STARD13: variants seen among roughly 807,000 people sequenced by gnomAD.
STARD13 encodes the protein stAR-related lipid transfer protein 13.
In STARD13, 62 loss-of-function variants were observed where a neutral mutation model predicts 106.4. That is an observed-to-expected ratio of 0.58 (90% CI 0.48 to 0.72). The LOEUF is 0.72. STARD13 is among the 30% of genes least tolerant of loss of function. The pLI, the probability that STARD13 is intolerant of heterozygous loss-of-function variation, is 0.00. For missense variants in STARD13, 1,387 were observed against 1,424.0 expected, an observed-to-expected ratio of 0.97 and a Z score of 0.42; for synonymous variants, 565 against 553.0, an observed-to-expected ratio of 1.02 and a Z score of -0.31.
At chr13:33,177,879 G>GAAGGAAGGAAGGAAGGA (rs1884778631) in intron 1 of STARD13, among the ~76,000 whole-genome samples, 1 of 4,606 alleles carries the variant, frequency 2.2e-4, no homozygotes, top group Non-Finnish European at 3.5e-4. Flanking sequence ...GGAAGGAAAG[G>GAAGGAAGGAAGGAAGGA]AAGGAAGGAA....
chr13:33,174,312 T>C (rs918684704), intron 1 of STARD13, among the ~76,000 whole-genome samples: 1 of 151,396 alleles, frequency 6.6e-6, no homozygotes, highest in African/African-American at 2.4e-5. Context: ...CACTTATGCA[T>C]TTTTTTTTCT....
intron 1 of STARD13, among the ~76,000 whole-genome samples, chr13:33,302,510 G>T (rs1368957745): frequency 6.6e-6 from 1 of 152,030 alleles, no homozygotes; most frequent in Non-Finnish European, 1.5e-5. Context: ...TGACCTCCCT[G>T]GGCCCAGGTG....
chr13:33,528,169 T>TA, the STARD13 span, among the ~76,000 whole-genome samples: 1 of 129,060 alleles, frequency 7.7e-6, no homozygotes, highest in African/African-American at 3.2e-5. Context: ...TAAGCTAATA[T>TA]TATATATATA....
At chr13:33,432,055 A>T in the STARD13 span, among the ~76,000 whole-genome samples, 1 of 152,180 alleles carries the variant, frequency 6.6e-6, no homozygotes, top group East Asian at 1.9e-4. Context: ...CAAGTCTCTG[A>T]GGTATAGAAG....
the STARD13 span, among the ~76,000 whole-genome samples, chr13:33,676,426 CAT>C: frequency 6.6e-6 from 1 of 152,194 alleles, no homozygotes. Flanking sequence ...CACTTCCACA[CAT>C]GTGTAAAAGT....
rs1383765142 is a variant in STARD13 at position 33,349,032 on chromosome 13, G to T, written c.*117C>A. 7 of 679,492 alleles carry T rather than the reference G, an allele frequency of 1.0e-5. No individual in the cohort carries two copies. The East Asian group carries it at 1.9e-4, about 18-fold the overall frequency. 42.1% of individuals were successfully genotyped at this position (679,492 alleles called of 1,614,324 possible). ...TGAGGATGTGGGTGCATGGGTTTAA[G>T]GGCAGAACACCTAGCAAACCACTTG... is the stretch of plus-strand genomic sequence containing the variant. On this transcript the variant is annotated 3_prime_UTR_variant, in exon 2 of 2. Coordinates refer to the STARD13 transcript ENST00000439831.
the STARD13 span, among the ~76,000 whole-genome samples, chr13:33,572,252 C>T: frequency 6.6e-6 from 1 of 152,140 alleles, no homozygotes; most frequent in Non-Finnish European, 1.5e-5. Flanking sequence ...TTTCTCTGTA[C>T]ATTGTGAATT....
At chr13:33,389,620 A>T in the STARD13 span, among the ~76,000 whole-genome samples, 1 of 152,212 alleles carries the variant, frequency 6.6e-6, no homozygotes, top group Non-Finnish European at 1.5e-5. Context: ...ATTAATTCAC[A>T]TGAGAAATTA....
the STARD13 span, among the ~76,000 whole-genome samples, chr13:33,532,474 T>C: frequency 2.0e-5 from 3 of 152,196 alleles, no homozygotes; most frequent in Admixed American, 6.6e-5. Context: ...TCTAATCTTT[T>C]TTATTTCAGG....
At chr13:33,487,304 G>A in the STARD13 span, among the ~76,000 whole-genome samples, 1 of 152,132 alleles carries the variant, frequency 6.6e-6, no homozygotes, top group Non-Finnish European at 1.5e-5. Context: ...CATTATATGT[G>A]TAAAGGATAT....
At chr13:33,205,514 AGAAG>A (rs371636258) in intron 1 of STARD13, among the ~76,000 whole-genome samples, 4 of 152,082 alleles carry the variant, frequency 2.6e-5, no homozygotes, top group African/African-American at 4.8e-5. Context: ...AAATAGAGAG[AGAAG>A]GAAGGAAGGA....
At chr13:33,397,527 A>G in the STARD13 span, among the ~76,000 whole-genome samples, 2 of 152,188 alleles carry the variant, frequency 1.3e-5, no homozygotes, top group South Asian at 2.1e-4. Flanking sequence ...TCTTGAAGCT[A>G]TGGCAGGCTA....
chr13:33,510,135 A>G, the STARD13 span, among the ~76,000 whole-genome samples: 85 of 152,304 alleles, frequency 5.6e-4, no homozygotes, highest in Admixed American at 3.3e-4. Flanking sequence ...ACCAATGTGA[A>G]GTGGCAGTGC....
At chr13:33,607,915 A>G in the STARD13 span, among the ~76,000 whole-genome samples, 2 of 152,134 alleles carry the variant, frequency 1.3e-5, no homozygotes, top group Non-Finnish European at 2.9e-5. Flanking sequence ...ATCTCTAAAG[A>G]AACCGTTTTT....
At chr13:33,171,995 G>A (rs140456309) in intron 1 of STARD13, among the ~76,000 whole-genome samples, 8 of 152,294 alleles carry the variant, frequency 5.3e-5, no homozygotes, top group Admixed American at 3.9e-4. Flanking sequence ...AACCATGGCC[G>A]ATGTGGGTTT....
At chr13:33,297,710 C>A (rs1211501050) in intron 1 of STARD13, among the ~76,000 whole-genome samples, 1 of 151,916 alleles carries the variant, frequency 6.6e-6, no homozygotes, top group Non-Finnish European at 1.5e-5. Flanking sequence ...ATTCTTAAAT[C>A]TCCATTTTTA....
At chr13:33,357,413 C>T in the STARD13 span, among the ~76,000 whole-genome samples, 8 of 152,306 alleles carry the variant, frequency 5.3e-5, no homozygotes, top group South Asian at 1.2e-3. Flanking sequence ...CTAACTCCCA[C>T]CTTGTTAATT....
At chr13:33,569,409 C>A in the STARD13 span, among the ~76,000 whole-genome samples, 1 of 147,300 alleles carries the variant, frequency 6.8e-6, no homozygotes, top group Non-Finnish European at 1.5e-5. Context: ...CTTATCGAAC[C>A]CCTTGCCTGG....
At chr13:33,539,482 G>A in the STARD13 span, among the ~76,000 whole-genome samples, 2 of 152,198 alleles carry the variant, frequency 1.3e-5, no homozygotes, top group South Asian at 4.1e-4. Flanking sequence ...TCCACTATCT[G>A]ATTTCAAGAC....
Sources: allele counts gnomAD v4.1 joint callset (sites outside exome capture counted in the v4.1 genomes callset), GRCh38; gene constraint gnomAD v4.1.1; transcripts MANE v1.5; gene names NCBI Gene and HGNC (gene_info 2026-07-23, HGNC 2026-07-21).